Variants in KIAA1549L observed in about 807,000 individuals in gnomAD.
KIAA1549L encodes UPF0606 protein KIAA1549L.
KIAA1549L carries 88 observed loss-of-function variants against 160.7 expected under a neutral mutation model. The ratio of observed to expected loss-of-function variants is 0.55; its 90% CI spans 0.46 to 0.65. KIAA1549L has a LOEUF of 0.65. Among genes scored for constraint, KIAA1549L ranks in the 30% least tolerant of loss-of-function variants. The pLI, the probability that KIAA1549L is intolerant of heterozygous loss-of-function variation, is 0.00. For missense variants in KIAA1549L, 2,258 were observed against 2,437.5 expected (o/e 0.93, Z 1.55); for synonymous variants, 950 against 976.7 (o/e 0.97, Z 0.51).
intron 1 of KIAA1549L, among the ~76,000 whole-genome samples, chr11:33,435,976 A>G (rs939358406): frequency 6.8e-6 from 1 of 146,548 alleles, no homozygotes; most frequent in African/African-American, 2.5e-5. Flanking sequence ...AAAAAAAAAA[A>G]GTACAACAAA....
intron 5 of KIAA1549L, among the ~76,000 whole-genome samples, chr11:33,551,904 G>A (rs1230690854): frequency 2.6e-5 from 4 of 152,146 alleles, no homozygotes; most frequent in East Asian, 1.9e-4. Flanking sequence ...TCTCTGGTTC[G>A]ATCGTGCTTT....
Position 33,544,108 on chromosome 11 carries a change from C to T in KIAA1549L, c.2545C>T (p.Pro849Ser), listed in dbSNP as rs1433918488. 6.8e-6 allele frequency: 11 copies of T among 1,613,894 alleles called. No individual in the cohort carries two copies. Among genetic ancestry groups the T allele is most frequent in the Middle Eastern group, 1.6e-4 (1 of 6,084 alleles). The change falls in exon 2 of 21, where the codon CCA becomes TCA. Residue 849 changes from proline (P) to serine (S), a missense_variant. Physicochemically the swap from Pro to Ser is moderately conservative, Grantham distance 74. Around this residue, in one of 6 missense-constraint regions of KIAA1549L, gnomAD observed 287 missense variants for 292.3 expected, o/e 0.98. Coordinates refer to ENST00000658780, the MANE Select transcript of KIAA1549L (RefSeq NM_012194.3). ...QPAHPLLLTSPGPTSTGSLQE... is the reference protein window; with the variant it reads ...QPAHPLLLTSSGPTSTGSLQE... ...AGCACATCCTCTTTTGCTAACCTCA[C>T]CAGGACCAACTTCTACAGGTAGCTT...
chr11:33,544,468 G>A, intron 2 of KIAA1549L, 132 bp downstream of exon 2: 1 of 992,222 alleles, frequency 1.0e-6, no homozygotes, highest in Admixed American at 2.4e-5. Flanking sequence ...CCCCCGATCA[G>A]GAATGAGTTA....
intron 1 of KIAA1549L, among the ~76,000 whole-genome samples, chr11:33,428,492 G>T (rs950412706): frequency 6.8e-6 from 1 of 146,818 alleles, no homozygotes; most frequent in Non-Finnish European, 1.5e-5. Context: ...GATGTTCCTC[G>T]CCCTGTATCC....
intron 1 of KIAA1549L, among the ~76,000 whole-genome samples, chr11:33,477,733 C>T (rs1420931787): frequency 6.6e-6 from 1 of 152,234 alleles, no homozygotes; most frequent in East Asian, 1.9e-4. Flanking sequence ...CTCCCACCCT[C>T]ACTTCCTAGA....
At chr11:33,428,076 A>G (rs1293723128) in intron 1 of KIAA1549L, among the ~76,000 whole-genome samples, 1 of 152,202 alleles carries the variant, frequency 6.6e-6, no homozygotes. Flanking sequence ...TGCTATAAAT[A>G]TGAATGTACA....
intron 1 of KIAA1549L, among the ~76,000 whole-genome samples, chr11:33,501,181 A>C (rs980503291): frequency 1.3e-5 from 2 of 152,254 alleles, no homozygotes; most frequent in African/African-American, 4.8e-5. Flanking sequence ...ATTTGCCTAC[A>C]GAAATTTCCA....
chr11:33,581,044 C>T (rs1267364353), intron 10 of KIAA1549L, among the ~76,000 whole-genome samples: 1 of 152,110 alleles, frequency 6.6e-6, no homozygotes, highest in Non-Finnish European at 1.5e-5. Context: ...CACCTAGCAT[C>T]GAGGTCATTG....
At chr11:33,614,511 G>GGGAT (rs1415435055) in intron 15 of KIAA1549L, among the ~76,000 whole-genome samples, 1 of 102,374 alleles carries the variant, frequency 9.8e-6, no homozygotes, top group East Asian at 3.5e-4. Context: ...CCCTCCTCTT[G>GGGAT]GGATCTGTGA....
At chr11:33,508,547 G>A (rs1853147363) in intron 1 of KIAA1549L, among the ~76,000 whole-genome samples, 2 of 152,192 alleles carry the variant, frequency 1.3e-5, no homozygotes, top group Non-Finnish European at 2.9e-5. Context: ...CTGCGTGTGT[G>A]TACTTGGGTT....
intron 1 of KIAA1549L, among the ~76,000 whole-genome samples, chr11:33,529,863 A>G (rs953727288): frequency 6.6e-6 from 1 of 152,234 alleles, no homozygotes; most frequent in African/African-American, 2.4e-5. Context: ...AGTTGTGGGA[A>G]CAATGACATG....
In KIAA1549L at chr11:33,612,762, T is replaced by C. The variant is rs1450330146; in HGVS notation, c.5279+2796T>C. Among the ~76,000 whole-genome samples the C allele has an allele frequency of 2.0e-5, 3 of 152,244 alleles. No individual in the cohort carries two copies. In the East Asian group the frequency reaches 5.8e-4, roughly 29 times the overall value. On this transcript the variant is annotated intron_variant, in intron 15 of 20. Coordinates refer to ENST00000658780, the MANE Select transcript of KIAA1549L (RefSeq NM_012194.3). Reference sequence around the variant, plus strand: ...TTCTGCCCTCTCCCTCCTTTTACCCTACACCCTGAAGTATACCCCAGTGTC... The same window carrying C: ...TTCTGCCCTCTCCCTCCTTTTACCCCACACCCTGAAGTATACCCCAGTGTC...
chr11:33,462,829 G>A (rs1565147276), intron 1 of KIAA1549L, among the ~76,000 whole-genome samples: 1 of 151,548 alleles, frequency 6.6e-6, no homozygotes, highest in Non-Finnish European at 1.5e-5. Context: ...TTGTTCAACG[G>A]CAGCTTTCTC....
chr11:33,402,400 G>A (rs915782926), intron 1 of KIAA1549L, among the ~76,000 whole-genome samples: 3 of 152,110 alleles, frequency 2.0e-5, no homozygotes, highest in Non-Finnish European at 2.9e-5. Context: ...GGCCCCTGTG[G>A]TCTCTCATCT....
rs953230795 is a variant in KIAA1549L, at chr11:33,591,324, G to T, written c.4654G>T (p.Val1552Phe). The T allele has an allele frequency of 1.2e-6, 2 of 1,613,596 alleles. No individual in the cohort carries two copies. Among genetic ancestry groups the T allele is most frequent in the Admixed American group, 3.3e-5 (2 of 60,016 alleles). ...CATCCCTGTGACTCAGGAGACAGTG[G>T]TTCTCCCACTGCCCATTAGAGATGC... ...EVIPVTQETVVLPLPIRDAPQ... is the reference protein window; with the variant it reads ...EVIPVTQETVFLPLPIRDAPQ... Residue 1552 changes from valine to phenylalanine, a missense_variant, in exon 12 of 21, where the codon GTT becomes TTT. Physicochemically the swap from Val to Phe is conservative, Grantham distance 50. Transcript: ENST00000658780.
intron 1 of KIAA1549L, among the ~76,000 whole-genome samples, chr11:33,493,069 A>T (rs1378545358): frequency 6.6e-6 from 1 of 152,110 alleles, no homozygotes; most frequent in Non-Finnish European, 1.5e-5. Flanking sequence ...GATGGTGATG[A>T]TGGAAGGTCT....
In KIAA1549L at chr11:33,542,624, C is replaced by T. The variant is rs769507031; in HGVS notation, c.1061C>T (p.Pro354Leu). ...FLSPMAELSHPSPPPPALGSL... is the reference protein window; with the variant it reads ...FLSPMAELSHLSPPPPALGSL... ...AGCCCCATGGCAGAACTGTCCCATC[C>T]GTCTCCCCCTCCCCCAGCACTTGGA... The change falls in exon 2 of 21, where the codon CCG (proline) becomes CTG (leucine). Residue 354 changes from proline (P) to leucine (L), a missense_variant. Physicochemically the swap from Pro to Leu is moderately conservative, Grantham distance 98. This residue lies in a region of KIAA1549L where 540 missense variants were observed against 465.7 expected (regional missense o/e 1.16). Coordinates refer to ENST00000658780, the MANE Select transcript of KIAA1549L (RefSeq NM_012194.3). 17 of 1,613,932 alleles carry T rather than the reference C, an allele frequency of 1.1e-5. No individual in the cohort carries two copies. Among genetic ancestry groups the T allele is most frequent in the Admixed American group, 8.3e-5 (5 of 60,020 alleles).
intron 13 of KIAA1549L, among the ~76,000 whole-genome samples, chr11:33,603,734 AG>A (rs1334870362): frequency 6.6e-6 from 1 of 151,802 alleles, no homozygotes; most frequent in Non-Finnish European, 1.5e-5. Flanking sequence ...TGAACCCAGG[AG>A]GCGGAGGTTG....
chr11:33,407,549 G>A (rs570031064), intron 1 of KIAA1549L, among the ~76,000 whole-genome samples: 1 of 151,886 alleles, frequency 6.6e-6, no homozygotes, highest in African/African-American at 2.4e-5. Context: ...GGGTTTCACC[G>A]TGTTGGCCAG....
Sources: allele counts gnomAD v4.1 joint callset (sites outside exome capture counted in the v4.1 genomes callset), GRCh38; gene constraint gnomAD v4.1.1; regional missense constraint gnomAD v4.1.1; transcripts MANE v1.5; gene names NCBI Gene and HGNC (gene_info 2026-07-23, HGNC 2026-07-21).